The following RSPH14 variants were observed in gnomAD, a reference collection of about 807,000 sequenced individuals.
RSPH14 encodes the protein rhabdoid tumor deletion region gene 1.
Under a neutral mutation model 26.7 loss-of-function variants are expected in RSPH14, and 20 were observed. The ratio of observed to expected loss-of-function variants is 0.75; its 90% CI spans 0.53 to 1.09. The LOEUF (loss-of-function observed/expected upper bound fraction) is 1.09. RSPH14 is among the 50% of genes least tolerant of loss of function. The pLI is 0.00. For missense variants in RSPH14, 449 were observed against 457.2 expected (o/e 0.98, Z 0.16); for synonymous variants, 177 against 189.3 (o/e 0.93, Z 0.53).
At chr22:23,145,257 C>CCCCCCA, upstream of RSPH14, 11 of 939,252 alleles carry the variant, frequency 1.2e-5, no homozygotes, top group Middle Eastern at 3.1e-4. Context: ...GCCCACCGCC[C>CCCCCCA]ACCCATCCAG....
intron 5 of RSPH14, among the ~76,000 whole-genome samples, chr22:23,062,286 G>C (rs2068113905): frequency 1.3e-5 from 2 of 152,340 alleles, no homozygotes; most frequent in Admixed American, 6.5e-5. Context: ...TTTTGACTTT[G>C]CCTAAGAGCC....
chr22:23,154,501 CT>C, the RSPH14 span, among the ~76,000 whole-genome samples: 2 of 152,222 alleles, frequency 1.3e-5, 1 homozygote, highest in African/African-American at 4.8e-5. Flanking sequence ...GAACGCAGGG[CT>C]GCAGGACTGA....
chr22:23,109,049 G>A (rs16997431), intron 4 of RSPH14, among the ~76,000 whole-genome samples: 14 of 152,150 alleles, frequency 9.2e-5, no homozygotes, highest in East Asian at 7.7e-4. Context: ...ATGTGTCATC[G>A]TGGGAAGAGC....
the RSPH14 span, chr22:23,161,421 T>C: frequency 7.8e-7 from 1 of 1,274,850 alleles, no homozygotes; most frequent in Non-Finnish European, 1.1e-6. Context: ...CAGCTCTGAC[T>C]GTCAGGGCCG....
chr22:23,169,674 G>T, the RSPH14 span, among the ~76,000 whole-genome samples: 1 of 152,132 alleles, frequency 6.6e-6, no homozygotes, highest in South Asian at 2.1e-4. Flanking sequence ...GAGGTGGAAA[G>T]AAATCACGCT....
At chr22:23,127,144 C>T (rs961008353) in intron 4 of RSPH14, among the ~76,000 whole-genome samples, 3 of 152,220 alleles carry the variant, frequency 2.0e-5, no homozygotes, top group African/African-American at 4.8e-5. Context: ...CTACTTCCAA[C>T]GTCAGCCCTC....
At chr22:23,176,991 T>C in the RSPH14 span, among the ~76,000 whole-genome samples, 1 of 152,250 alleles carries the variant, frequency 6.6e-6, no homozygotes, top group Non-Finnish European at 1.5e-5. Context: ...TTACAGAACA[T>C]GCCCATGGTA....
At chr22:23,085,232 T>C (rs1030694228) in intron 4 of RSPH14, among the ~76,000 whole-genome samples, 6 of 152,192 alleles carry the variant, frequency 3.9e-5, no homozygotes, top group Non-Finnish European at 8.8e-5. Context: ...CATTTTTCTC[T>C]GTGTCCTCTT....
the RSPH14 span, among the ~76,000 whole-genome samples, chr22:23,178,288 C>A: frequency 6.6e-6 from 1 of 152,110 alleles, no homozygotes; most frequent in Non-Finnish European, 1.5e-5. Context: ...TGATGGCAGG[C>A]GCCTGTAATT....
In RSPH14 at chr22:23,079,487, CAGAG is replaced by C. The variant is rs1265269944; in HGVS notation, c.422-15358_422-15355del. Among the ~76,000 whole-genome samples, 3 of 152,188 alleles carry C rather than the reference CAGAG, an allele frequency of 2.0e-5. No homozygotes were observed. The South Asian group carries it at 6.2e-4, about 32-fold the overall frequency. Reference sequence around the variant, plus strand: ...GGAGGGGGAGCATGGGCGTGGGAGTCAGAGAGGCCAGGCATTGCACAGCCCTGGT... The same window carrying C: ...GGAGGGGGAGCATGGGCGTGGGAGTCAGGCCAGGCATTGCACAGCCCTGGT... On this transcript the variant is annotated intron_variant, in intron 4 of 6. Coordinates refer to ENST00000216036, the MANE Select transcript of RSPH14 (RefSeq NM_014433.3).
At chr22:23,067,237 G>A (rs865800868) in intron 4 of RSPH14, among the ~76,000 whole-genome samples, 12 of 152,250 alleles carry the variant, frequency 7.9e-5, no homozygotes, top group South Asian at 6.2e-4. Context: ...GGGGCAGGGC[G>A]GGTGCTGACA....
chr22:23,063,451 T>C (rs1794777533), intron 5 of RSPH14, among the ~76,000 whole-genome samples: 1 of 152,206 alleles, frequency 6.6e-6, no homozygotes, highest in African/African-American at 2.4e-5. Context: ...CAGGCCAGGA[T>C]GTAGACTGTG....
intron 4 of RSPH14, among the ~76,000 whole-genome samples, chr22:23,108,123 G>C (rs1227320125): frequency 6.6e-6 from 1 of 152,218 alleles, no homozygotes; most frequent in Admixed American, 6.5e-5. Flanking sequence ...GGTGGGGCCA[G>C]GGGCACACAG....
intron 4 of RSPH14, among the ~76,000 whole-genome samples, chr22:23,073,072 G>A (rs1413010197): frequency 6.6e-6 from 1 of 152,242 alleles, no homozygotes; most frequent in African/African-American, 2.4e-5. Context: ...TCCTCCCCTG[G>A]AGGCAAGGAA....
At chr22:23,095,681 C>A in intron 4 of RSPH14, 1 of 1,590,464 alleles carries the variant, frequency 6.3e-7, no homozygotes, top group Non-Finnish European at 8.6e-7. Context: ...TGTCTGGGCC[C>A]GCTGCTGCCA....
intron 4 of RSPH14, among the ~76,000 whole-genome samples, chr22:23,130,496 A>AAGAAAAAAAGAAAGAAAGAAAG (rs67156030): frequency 9.0e-6 from 1 of 110,692 alleles, no homozygotes; most frequent in Non-Finnish European, 1.8e-5. Context: ...GAAGGAAAGA[A>AAGAAAAAAAGAAAGAAAGAAAG]AAAGAAAGAA....
intron 4 of RSPH14, among the ~76,000 whole-genome samples, chr22:23,081,577 T>G (rs2068679022): frequency 6.6e-6 from 1 of 152,096 alleles, no homozygotes. Flanking sequence ...ATCCCAGCAC[T>G]TTGGGAAGGA....
the RSPH14 span, chr22:23,152,462 C>T: frequency 3.1e-6 from 5 of 1,614,040 alleles, no homozygotes; most frequent in African/African-American, 2.7e-5. Context: ...TTCTCACAGG[C>T]TCAAACTCTC....
Position 23,059,527 on chromosome 22 carries a change from G to A in RSPH14, c.982C>T (p.Gln328Ter). ...GCCCGCTGTAAGGCTTCGGCCACTT[G>A]AGGCTTTTCGTAAGTCTCCACCTCC... The part of the protein sequence containing the change: ...AMEVETYEKP[Q>*]VAEALQRAAR... Residue 328 changes from glutamine (Q) to a stop codon, truncating the protein, a stop_gained, in exon 7 of 7, where the codon CAA (glutamine) becomes TAA (stop). Transcript: ENST00000216036. LOFTEE classifies it high-confidence loss of function. The A allele has an allele frequency of 1.2e-6, 2 of 1,614,212 alleles. No homozygotes were observed. Among genetic ancestry groups the A allele is most frequent in the Non-Finnish European group, 1.7e-6 (2 of 1,180,012 alleles).
Sources: gnomAD v4.1 joint callset for allele counts (sites outside exome capture counted in the v4.1 genomes callset) on GRCh38, gnomAD v4.1.1 for gene constraint, MANE v1.5 for transcripts, NCBI Gene and HGNC (gene_info 2026-07-23, HGNC 2026-07-21) for gene names.